TRIO: variants seen among roughly 807,000 people sequenced by gnomAD.
TRIO encodes the protein trio Rho guanine nucleotide exchange factor, also known as triple functional domain protein.
Under a neutral mutation model 351.9 loss-of-function variants are expected in TRIO, and 58 were observed. That is an observed-to-expected ratio of 0.16 (90% CI 0.13 to 0.21). The LOEUF is 0.21. Ranked by LOEUF, TRIO falls within the 10% of genes least tolerant of loss-of-function variation. The pLI, the probability that TRIO is intolerant of heterozygous loss-of-function variation, is 1.00. For synonymous variants in TRIO, 1,758 were observed against 1,595.7 expected (o/e 1.10, Z -2.42); for missense variants, 3,201 against 4,027.8 (o/e 0.79, Z 5.56).
At chr5:14,301,672 A>T (rs1737896805) in intron 7 of TRIO, among the ~76,000 whole-genome samples, 2 of 152,300 alleles carry the variant, frequency 1.3e-5, no homozygotes, top group South Asian at 4.1e-4. Flanking sequence ...AGGTTCTGTT[A>T]TGAAGGTACC....
chr5:14,406,990 T>G (rs1017695402), intron 33 of TRIO, among the ~76,000 whole-genome samples: 5 of 152,172 alleles, frequency 3.3e-5, no homozygotes, highest in Non-Finnish European at 7.4e-5. Flanking sequence ...AACCTATCAT[T>G]TAAAATAAAA....
At chr5:14,361,414 C>T (rs1744142000) in intron 13 of TRIO, among the ~76,000 whole-genome samples, 1 of 152,184 alleles carries the variant, frequency 6.6e-6, no homozygotes, top group Non-Finnish European at 1.5e-5. Flanking sequence ...GTACCTGCAG[C>T]CCAGTCTCAG....
At chr5:14,353,542 C>T (rs573335910) in intron 11 of TRIO, among the ~76,000 whole-genome samples, 10 of 152,034 alleles carry the variant, frequency 6.6e-5, no homozygotes, top group African/African-American at 2.2e-4. Context: ...GAAATACAGG[C>T]GTGAACCACC....
rs749262784 is a variant in TRIO, at chr5:14,488,187, G to T, written c.7559G>T (p.Gly2520Val). The change falls in exon 48 of 57, where the codon GGC becomes GTC. Residue 2520 changes from glycine to valine, a missense_variant. Physicochemically the swap from Gly to Val is moderately radical, Grantham distance 109. This residue lies in a region of TRIO where 1,089 missense variants were observed against 954.9 expected (regional missense o/e 1.14). Coordinates refer to ENST00000344204, the MANE Select transcript of TRIO (RefSeq NM_007118.4). ...CAGACACCCCGCCACGCGGCCCCTG[G>T]CAAGGATACTGACCGCATGAGCACG... ...QRQTPRHAAP[G>V]KDTDRMSTCS... is the part of the protein sequence containing the mutation. 1.1e-5 allele frequency: 17 copies of T among 1,599,616 alleles called. 1 individual carries two copies. In the South Asian group the frequency reaches 1.5e-4, roughly 15 times the overall value.
At position 14,419,819 on chromosome 5, in the gene TRIO, C is replaced by T; in HGVS notation, c.5001C>T (p.Phe1667=). 6.2e-7 allele frequency: 1 copy of T among 1,614,220 alleles called. No homozygotes were observed. ...AGCTGACAGTGGTGATCCATGACTT[C>T]ACCGCTTGCAACAGCAACGAGCTGA... ...GCELTVVIHD[F]TACNSNELTI... The change falls in exon 34 of 57, where the codon TTC becomes TTT. Residue 1667 remains phenylalanine, a synonymous_variant. Coordinates refer to ENST00000344204, the MANE Select transcript of TRIO (RefSeq NM_007118.4).
At chr5:14,488,361 C>T in intron 48 of TRIO, 101 bp downstream of exon 48, 1 of 1,459,814 alleles carries the variant, frequency 6.9e-7, no homozygotes, top group South Asian at 1.4e-5. Context: ...CTGCCCAGCG[C>T]TCTCCGCCGC....
chr5:14,163,618 A>G (rs1028861088), intron 1 of TRIO, among the ~76,000 whole-genome samples: 3 of 152,236 alleles, frequency 2.0e-5, no homozygotes, highest in East Asian at 3.8e-4. Context: ...AAGGACAACT[A>G]TTGCCTCTTG....
chr5:14,507,377 G>A lies in TRIO; in HGVS notation c.8751+117G>A, dbSNP rs372739609. 7,808 of 1,444,420 alleles carry A rather than the reference G, an allele frequency of 5.4e-3. 29 individuals are homozygous for A. The highest frequency in any genetic ancestry group is 6.3e-3 in the Non-Finnish European group (6,826 of 1,078,520). 89.5% of individuals were successfully genotyped at this position (1,444,420 alleles called of 1,614,324 possible). ...CCCCCAAGTGACTAGGGACAAAAAGGGTGGGTGGGGCAGCGCAGACACTGA... is the reference window on the plus strand; with the variant it reads ...CCCCCAAGTGACTAGGGACAAAAAGAGTGGGTGGGGCAGCGCAGACACTGA... On this transcript the variant is annotated intron_variant, in intron 56 of 56. Transcript: ENST00000344204.
At chr5:14,488,321 A>ACGCCAC (rs1440268685) in intron 48 of TRIO, 61 bp downstream of exon 48, 2 of 1,506,060 alleles carry the variant, frequency 1.3e-6, no homozygotes, top group Admixed American at 2.0e-5. Flanking sequence ...CCAGCTCTAA[A>ACGCCAC]CGCCACCGCG....
chr5:14,375,764 G>C (rs1475678653), intron 19 of TRIO, among the ~76,000 whole-genome samples: 11 of 152,186 alleles, frequency 7.2e-5, no homozygotes, highest in Non-Finnish European at 1.6e-4. Context: ...TACTGGCTCA[G>C]GCAGAGACTG....
At chr5:14,290,651 T>C in intron 4 of TRIO, 65 bp from the exon 5 acceptor site, 1 of 1,480,810 alleles carries the variant, frequency 6.8e-7, no homozygotes, top group Non-Finnish European at 9.1e-7. Context: ...GCATTGCAAA[T>C]TGCATTATGT....
chr5:14,481,477 G>T, intron 44 of TRIO, 64 bp from the exon 45 acceptor site: 1 of 1,581,360 alleles, frequency 6.3e-7, no homozygotes, highest in Non-Finnish European at 8.7e-7. Context: ...AGGTCAGAGG[G>T]TGAGCACGTC....
intron 1 of TRIO, among the ~76,000 whole-genome samples, chr5:14,260,257 CTAAT>C (rs773558572): frequency 3.9e-5 from 6 of 152,174 alleles, no homozygotes; most frequent in Non-Finnish European, 8.8e-5. Context: ...ATGGATTTGT[CTAAT>C]TAATAATAAC....
At chr5:14,158,186 G>A (rs1028270508) in intron 1 of TRIO, among the ~76,000 whole-genome samples, 9 of 152,132 alleles carry the variant, frequency 5.9e-5, no homozygotes, top group Non-Finnish European at 1.2e-4. Context: ...CAGCACTTTA[G>A]GAGCCCGAAG....
chr5:14,286,815 C>T lies in TRIO; in HGVS notation c.348-56C>T. On this transcript the variant is annotated intron_variant, in intron 3 of 56. Transcript: ENST00000344204. The surrounding 1 kb of genome is among the most constrained non-coding windows in gnomAD (Gnocchi z 4.4). ...CTGTGGCACCCAGTGGGACTCTGAC[C>T]AGGCAGAGTGGCAAGAGATGTAACC... 6.4e-7 allele frequency: 1 copy of T among 1,556,076 alleles called. No individual in the cohort carries two copies. The highest frequency in any genetic ancestry group is 8.7e-7 in the Non-Finnish European group (1 of 1,147,368).
intron 49 of TRIO, among the ~76,000 whole-genome samples, chr5:14,495,577 G>A (rs1321572956): frequency 7.3e-6 from 1 of 136,164 alleles, no homozygotes; most frequent in Non-Finnish European, 1.5e-5. Flanking sequence ...ATCCCAGAAC[G>A]TTTGGAGGCT....
intron 34 of TRIO, among the ~76,000 whole-genome samples, chr5:14,437,568 AG>A (rs1751682789): frequency 6.6e-6 from 1 of 152,054 alleles, no homozygotes; most frequent in Non-Finnish European, 1.5e-5. Context: ...GTGTCAGCAG[AG>A]TAGGTTTCTC....
chr5:14,432,818 T>C (rs1751280300), intron 34 of TRIO, among the ~76,000 whole-genome samples: 1 of 152,204 alleles, frequency 6.6e-6, no homozygotes, highest in Non-Finnish European at 1.5e-5. Context: ...TAAATCAAAA[T>C]CAGCTGCTTG....
intron 48 of TRIO, among the ~76,000 whole-genome samples, chr5:14,491,540 C>A (rs1010233304): frequency 6.6e-6 from 1 of 152,198 alleles, no homozygotes; most frequent in Non-Finnish European, 1.5e-5. Flanking sequence ...ATTTCTTCTC[C>A]ACCCAGAACC....
Sources: gnomAD v4.1 joint callset for allele counts (sites outside exome capture counted in the v4.1 genomes callset) on GRCh38, gnomAD v4.1.1 for gene constraint, gnomAD v4.1.1 regional missense constraint, Gnocchi (gnomAD v3.1) non-coding constraint, MANE v1.5 for transcripts, NCBI Gene and HGNC (gene_info 2026-07-23, HGNC 2026-07-21) for gene names.